Variants in SNTB2 observed in about 807,000 individuals in gnomAD.
SNTB2 encodes the protein syntrophin beta 2, also known as beta-2-syntrophin.
Under a neutral mutation model 46.2 loss-of-function variants are expected in SNTB2, and 34 were observed. That is an observed-to-expected ratio of 0.74 (90% CI 0.56 to 0.98). The LOEUF is 0.98. Ranked by LOEUF, SNTB2 falls within the 50% of genes least tolerant of loss-of-function variation. SNTB2 has a pLI of 0.00. For synonymous variants in SNTB2, 290 were observed against 312.6 expected (o/e 0.93, Z 0.76); for missense variants, 603 against 731.4 (o/e 0.82, Z 2.02).
In SNTB2 at chr16:69,301,321, C is replaced by T. The variant is rs1268561321; in HGVS notation, c.*397C>T. The T allele has an allele frequency of 2.2e-5, 4 of 182,708 alleles. No individual in the cohort carries two copies. The highest frequency in any genetic ancestry group is 4.7e-5 in the Non-Finnish European group (4 of 84,602). 11.3% of individuals were successfully genotyped at this position (182,708 alleles called of 1,614,324 possible). ...CTGTAGGATTTGTGTTGTGCTTAGC[C>T]TTGATCTCTTGTTCAGAACAATTGT... On this transcript the variant is annotated 3_prime_UTR_variant, in exon 7 of 7. Transcript: ENST00000336278.
intron 1 of SNTB2, among the ~76,000 whole-genome samples, chr16:69,237,193 G>T (rs773645842): frequency 6.6e-6 from 1 of 152,084 alleles, no homozygotes; most frequent in South Asian, 2.1e-4. Context: ...GATAAAGTGA[G>T]AAGTGCTAAA....
intron 2 of SNTB2, among the ~76,000 whole-genome samples, chr16:69,257,148 G>A (rs971934625): frequency 6.7e-6 from 1 of 149,186 alleles, no homozygotes; most frequent in Non-Finnish European, 1.5e-5. Flanking sequence ...TCCAGCCTGG[G>A]CGAAGAGCGA....
At chr16:69,289,864 G>A (rs1426861185) in intron 5 of SNTB2, among the ~76,000 whole-genome samples, 2 of 152,152 alleles carry the variant, frequency 1.3e-5, no homozygotes, top group Non-Finnish European at 2.9e-5. Context: ...CAAGGATTCA[G>A]TGAGCTATGA....
chr16:69,263,477 G>T (rs1444921723), intron 3 of SNTB2, among the ~76,000 whole-genome samples: 1 of 150,210 alleles, frequency 6.7e-6, no homozygotes, highest in African/African-American at 2.5e-5. Context: ...GGGGTGCAAT[G>T]ATACAATCTT....
Position 69,297,390 on chromosome 16 carries a change from C to T in SNTB2, c.1346-2200C>T, listed in dbSNP as rs1447214050. The stretch of plus-strand genomic sequence containing the variant: ...ATCCCAGCACTTTGGGAGGCCAAGG[C>T]GGGCAGATCACAAGGTCAGGAGTTT... On this transcript the variant is annotated intron_variant, in intron 5 of 6. Coordinates refer to ENST00000336278, the MANE Select transcript of SNTB2 (RefSeq NM_006750.4). Among the ~76,000 whole-genome samples the T allele has an allele frequency of 6.2e-5, 9 of 144,234 alleles. No homozygotes were observed. The South Asian group carries it at 6.6e-4, about 11-fold the overall frequency. 94.6% of individuals were successfully genotyped at this position (144,234 alleles called of 152,430 possible).
chr16:69,215,795 G>A (rs1964341512), intron 1 of SNTB2, among the ~76,000 whole-genome samples: 1 of 152,088 alleles, frequency 6.6e-6, no homozygotes, highest in African/African-American at 2.4e-5. Flanking sequence ...GATACAGAAA[G>A]GCTCAGAGGT....
intron 1 of SNTB2, among the ~76,000 whole-genome samples, chr16:69,220,824 G>A (rs1964396655): frequency 6.6e-6 from 1 of 152,094 alleles, no homozygotes; most frequent in Non-Finnish European, 1.5e-5. Context: ...AAACCACTGT[G>A]CCTGGCCCAG....
intron 2 of SNTB2, among the ~76,000 whole-genome samples, chr16:69,248,518 G>A (rs769500077): frequency 5.9e-5 from 9 of 152,146 alleles, no homozygotes; most frequent in Non-Finnish European, 1.0e-4. Context: ...TGTAATCCCA[G>A]CTACTTGGAA....
intron 5 of SNTB2, among the ~76,000 whole-genome samples, chr16:69,288,653 A>G (rs1237885627): frequency 2.0e-5 from 3 of 152,240 alleles, no homozygotes; most frequent in Non-Finnish European, 4.4e-5. Flanking sequence ...AGCTAAAAAT[A>G]GAACTACTGT....
intron 1 of SNTB2, among the ~76,000 whole-genome samples, chr16:69,244,059 C>T (rs1166811608): frequency 6.6e-6 from 1 of 152,022 alleles, no homozygotes; most frequent in Non-Finnish European, 1.5e-5. Context: ...TTAGTATGTG[C>T]CTGAAATTTT....
At chr16:69,272,330 C>T (rs1333034798) in intron 4 of SNTB2, among the ~76,000 whole-genome samples, 1 of 151,866 alleles carries the variant, frequency 6.6e-6, no homozygotes, top group East Asian at 1.9e-4. Context: ...CATCTGAGGT[C>T]AGGAGTTCAA....
At chr16:69,255,162 AT>A (rs1567408125) in intron 2 of SNTB2, among the ~76,000 whole-genome samples, 2 of 152,014 alleles carry the variant, frequency 1.3e-5, no homozygotes, top group African/African-American at 4.8e-5. Context: ...CAGTGGTACT[AT>A]CATAGCTCAC....
chr16:69,251,457 C>T (rs1597187326), intron 2 of SNTB2, among the ~76,000 whole-genome samples: 1 of 126,918 alleles, frequency 7.9e-6, no homozygotes, highest in South Asian at 2.4e-4. Context: ...TGGATAGGTG[C>T]ATGTTTAGTT....
Position 69,245,719 on chromosome 16 carries a change from C to G in SNTB2, c.698C>G (p.Ser233Trp). The G allele has an allele frequency of 1.2e-6, 2 of 1,614,084 alleles. No homozygotes were observed. Among genetic ancestry groups the G allele is most frequent in the Non-Finnish European group, 1.7e-6 (2 of 1,180,022 alleles). Residue 233 changes from serine (S) to tryptophan (W), a missense_variant, in exon 2 of 7, where the codon TCG (serine) becomes TGG (tryptophan). Transcript: ENST00000336278. ...PSFSGSEDSG[S>W]PKHQNSTKDR... The stretch of plus-strand genomic sequence containing the variant: ...TTTAGTGGCAGTGAGGACTCTGGTT[C>G]GCCAAAACACCAGAACAGCACCAAG...
chr16:69,272,196 G>T (rs115398575), intron 4 of SNTB2, among the ~76,000 whole-genome samples: 2,273 of 152,100 alleles, frequency 0.015, 56 homozygotes, highest in African/African-American at 0.051. Flanking sequence ...TCACAGAATG[G>T]GAGAAAATAT....
intron 2 of SNTB2, 105 bp downstream of exon 2, chr16:69,245,920 C>A: frequency 1.7e-6 from 2 of 1,170,620 alleles, no homozygotes; most frequent in Non-Finnish European, 2.5e-6. Flanking sequence ...AGGAAAACAT[C>A]TGTCTGAGGT....
intron 2 of SNTB2, among the ~76,000 whole-genome samples, chr16:69,250,070 C>G (rs865932119): frequency 3.3e-5 from 5 of 151,936 alleles, no homozygotes; most frequent in Non-Finnish European, 5.9e-5. Flanking sequence ...CTTTGCAAAA[C>G]TCTGTCTCAA....
intron 5 of SNTB2, among the ~76,000 whole-genome samples, chr16:69,294,016 G>GT (rs1266346850): frequency 1.2e-4 from 18 of 152,112 alleles, no homozygotes; most frequent in Admixed American, 1.0e-3. Flanking sequence ...TTTATTTTAT[G>GT]TTTTTTGTTT....
chr16:69,211,189 G>GA (rs913890517), intron 1 of SNTB2, among the ~76,000 whole-genome samples: 29 of 151,728 alleles, frequency 1.9e-4, no homozygotes, highest in African/African-American at 3.4e-4. Flanking sequence ...TGAAAGCAAT[G>GA]AAAAAAAATC....
Sources: allele counts gnomAD v4.1 joint callset (sites outside exome capture counted in the v4.1 genomes callset), GRCh38; gene constraint gnomAD v4.1.1; transcripts MANE v1.5; gene names NCBI Gene and HGNC (gene_info 2026-07-23, HGNC 2026-07-21).